Variants in LRRFIP1 observed in about 807,000 individuals in gnomAD.
LRRFIP1 encodes leucine-rich repeat flightless-interacting protein 1.
Under a neutral mutation model 104.4 loss-of-function variants are expected in LRRFIP1, and 62 were observed. That is an observed-to-expected ratio of 0.59 (90% CI 0.48 to 0.73). The LOEUF (loss-of-function observed/expected upper bound fraction) is 0.73. Among genes scored for constraint, LRRFIP1 ranks in the 30% least tolerant of loss-of-function variants. The probability of loss-of-function intolerance (pLI) is 0.00; values close to 1 mark genes in which losing one functional copy is unlikely to be tolerated. For synonymous variants in LRRFIP1, 300 were observed against 299.0 expected (o/e 1.00, Z -0.03); for missense variants, 796 against 824.5 (o/e 0.97, Z 0.42).
intron 6 of LRRFIP1, 116 bp from the exon 7 acceptor site, chr2:237,723,432 C>T: frequency 9.9e-7 from 1 of 1,009,264 alleles, no homozygotes; most frequent in East Asian, 2.4e-5. Context: ...TGGAAAAATG[C>T]ATTTTTGTTA....
chr2:237,675,256 G>C (rs184147276), intron 1 of LRRFIP1, among the ~76,000 whole-genome samples: 11 of 152,122 alleles, frequency 7.2e-5, no homozygotes, highest in African/African-American at 9.7e-5. Context: ...TTGCTTTTTC[G>C]GCCAAGCAAC....
rs548927579 is a variant in LRRFIP1, at chr2:237,685,877, A to G, written c.97-22667A>G. Among the ~76,000 whole-genome samples the G allele has an allele frequency of 4.6e-5, 7 of 152,360 alleles. No individual in the cohort carries two copies. The East Asian group carries it at 1.2e-3, about 25-fold the overall frequency. ...GGCTGCCGTCTACCATTTATTACAC[A>G]TGCACAAATCACAGAAAATGTTTAA... On this transcript the variant is annotated intron_variant, in intron 1 of 23. Coordinates refer to ENST00000308482, the MANE Select transcript of LRRFIP1 (RefSeq NM_001137550.2).
chr2:237,739,308 TGGTA>T lies in LRRFIP1; in HGVS notation c.633_633+3del. 6.4e-7 allele frequency: 1 copy of T among 1,555,860 alleles called. No homozygotes were observed. Among genetic ancestry groups the T allele is most frequent in the African/African-American group, 1.4e-5 (1 of 73,608 alleles). ...GCCAGCTCGGCCCGGGCCAGCCCTG[TGGTA>T]AGTCGGCCTCCTGGCCTTGCTCCTA... On this transcript the variant is annotated splice_donor_variant and splice_donor_region_variant and coding_sequence_variant and intron_variant, in exon 11 of 24. Coordinates refer to ENST00000308482, the MANE Select transcript of LRRFIP1 (RefSeq NM_001137550.2). LOFTEE classifies it high-confidence loss of function.
intron 1 of LRRFIP1, among the ~76,000 whole-genome samples, chr2:237,701,043 C>G (rs2093493479): frequency 6.6e-6 from 1 of 152,190 alleles, no homozygotes; most frequent in Admixed American, 6.5e-5. Flanking sequence ...GCCCTGGGAT[C>G]TGTAATTCTA....
intron 23 of LRRFIP1, among the ~76,000 whole-genome samples, chr2:237,777,515 G>T (rs1268316247): frequency 6.6e-6 from 1 of 152,116 alleles, no homozygotes; most frequent in Admixed American, 6.5e-5. Flanking sequence ...AATGATTATA[G>T]CGATTATGCC....
rs971130161 is a variant in LRRFIP1, at chr2:237,729,895, A to G, written c.444+1960A>G. ...TCTCTTCAGAAACCGCAGATTTTGT[A>G]GCATGCAATCTTGTGTGTGTGGATT... On this transcript the variant is annotated intron_variant, in intron 8 of 23. Transcript: ENST00000308482. The G allele has an allele frequency of 6.5e-5, 55 of 849,650 alleles. No individual in the cohort carries two copies. The African/African-American group carries it at 9.9e-4, about 15-fold the overall frequency. 52.6% of individuals were successfully genotyped at this position (849,650 alleles called of 1,614,324 possible).
At chr2:237,631,079 G>A (rs1406649033) in intron 1 of LRRFIP1, among the ~76,000 whole-genome samples, 3 of 152,238 alleles carry the variant, frequency 2.0e-5, no homozygotes, top group Non-Finnish European at 2.9e-5. Flanking sequence ...CTGGGACTGG[G>A]GAGAGCCGGC....
chr2:237,772,670 G>A (rs1185461994), intron 21 of LRRFIP1, 196 bp from the exon 22 acceptor site: 14 of 593,754 alleles, frequency 2.4e-5, no homozygotes, highest in South Asian at 1.5e-4. Context: ...GCACAGGGGC[G>A]GAAGGCACTT....
chr2:237,714,259 A>T lies in LRRFIP1; in HGVS notation c.184A>T (p.Ile62Phe). ...TTTTTTCTTCTGTCCTTCTCTATAG[A>T]TCTATCAGGTCCAAAAGGTAGGCTC... Reference protein sequence around the residue: ...MKELERQQKEIYQVQKKYYGL... With the variant: ...MKELERQQKEFYQVQKKYYGL... The change falls in exon 3 of 24, where the codon ATC becomes TTC. Residue 62 changes from isoleucine (I) to phenylalanine (F), a missense_variant and splice_region_variant. Coordinates refer to ENST00000308482, the MANE Select transcript of LRRFIP1 (RefSeq NM_001137550.2). 6.3e-7 allele frequency: 1 copy of T among 1,597,444 alleles called. No individual in the cohort carries two copies. Among genetic ancestry groups the T allele is most frequent in the East Asian group, 2.2e-5 (1 of 44,700 alleles).
chr2:237,777,308 A>G (rs889092227), intron 23 of LRRFIP1, among the ~76,000 whole-genome samples: 4 of 152,110 alleles, frequency 2.6e-5, no homozygotes, highest in African/African-American at 9.7e-5. Context: ...GCCATTTTAT[A>G]TGTCTGTCCT....
At chr2:237,762,194 G>A (rs1257614974) in intron 19 of LRRFIP1, among the ~76,000 whole-genome samples, 2 of 152,224 alleles carry the variant, frequency 1.3e-5, no homozygotes, top group East Asian at 1.9e-4. Context: ...CAGTTTGACA[G>A]CTGCAAAAGT....
At chr2:237,664,122 C>T (rs1452584145) in intron 1 of LRRFIP1, among the ~76,000 whole-genome samples, 1 of 152,206 alleles carries the variant, frequency 6.6e-6, no homozygotes, top group Admixed American at 6.5e-5. Flanking sequence ...GTCACTTGCA[C>T]CTTGCAAAAG....
At chr2:237,778,703 G>A (rs551741251) in intron 23 of LRRFIP1, among the ~76,000 whole-genome samples, 1 of 151,870 alleles carries the variant, frequency 6.6e-6, no homozygotes, top group South Asian at 2.1e-4. Context: ...GATCACCTGA[G>A]GTCAGGAGTT....
intron 1 of LRRFIP1, among the ~76,000 whole-genome samples, chr2:237,682,626 C>G (rs2091959076): frequency 6.6e-6 from 1 of 152,196 alleles, no homozygotes; most frequent in Admixed American, 6.5e-5. Context: ...TTCTTCCAGC[C>G]AACTTCCAGG....
At chr2:237,636,452 C>T (rs2149282081) in intron 1 of LRRFIP1, among the ~76,000 whole-genome samples, 1 of 149,350 alleles carries the variant, frequency 6.7e-6, no homozygotes, top group Non-Finnish European at 1.5e-5. Flanking sequence ...TATTGAATTG[C>T]TAAGTTTTTT....
At chr2:237,741,083 T>A (rs908800005) in intron 11 of LRRFIP1, among the ~76,000 whole-genome samples, 2 of 152,044 alleles carry the variant, frequency 1.3e-5, no homozygotes, top group Non-Finnish European at 1.5e-5. Flanking sequence ...CCCCTCCCCA[T>A]CCCAGAGCCC....
Position 237,715,424 on chromosome 2 carries a change from G to A in LRRFIP1, c.201+1148G>A, listed in dbSNP as rs369964895. Reference sequence around the variant, plus strand: ...ACGCTCTCATCCAAAACCTGGAAGAGGGGCTCTATCTGGTCGTTTCCACTT... The same window carrying A: ...ACGCTCTCATCCAAAACCTGGAAGAAGGGCTCTATCTGGTCGTTTCCACTT... On this transcript the variant is annotated intron_variant, in intron 3 of 23. Coordinates refer to ENST00000308482, the MANE Select transcript of LRRFIP1 (RefSeq NM_001137550.2). Among the ~76,000 whole-genome samples the A allele has an allele frequency of 3.3e-3, 505 of 152,338 alleles. 5 individuals carry two copies. The highest frequency in any genetic ancestry group is 0.012 in the African/African-American group (489 of 41,580).
intron 1 of LRRFIP1, among the ~76,000 whole-genome samples, chr2:237,675,719 T>C (rs73093473): frequency 0.043 from 6,517 of 152,230 alleles, 413 homozygotes; most frequent in African/African-American, 0.14. Context: ...AAAAGAAAAG[T>C]AAAGAAAAAA....
intron 1 of LRRFIP1, 73 bp downstream of exon 1, chr2:237,627,813 G>A (rs1177506716): frequency 1.2e-5 from 12 of 978,494 alleles, no homozygotes; most frequent in Admixed American, 4.8e-5. Flanking sequence ...GGGTCTCTCC[G>A]GCGTCCGTCT....
Sources: allele counts gnomAD v4.1 joint callset (sites outside exome capture counted in the v4.1 genomes callset), GRCh38; gene constraint gnomAD v4.1.1; transcripts MANE v1.5; gene names NCBI Gene and HGNC (gene_info 2026-07-23, HGNC 2026-07-21).